Variants in ADGRL3 observed in about 807,000 individuals in gnomAD.
ADGRL3 encodes the protein calcium-independent alpha-latrotoxin receptor 3.
ADGRL3 carries 62 observed loss-of-function variants against 153.5 expected under a neutral mutation model. The ratio of observed to expected loss-of-function variants is 0.40; its 90% CI spans 0.33 to 0.50. The LOEUF (loss-of-function observed/expected upper bound fraction) is 0.50, where lower values mean the gene tolerates loss of function less well. Ranked by LOEUF, ADGRL3 falls within the 20% of genes least tolerant of loss-of-function variation. ADGRL3 has a pLI of 0.47. For missense variants in ADGRL3, 1,641 were observed against 1,859.4 expected (o/e 0.88, Z 2.16); for synonymous variants, 710 against 672.5 (o/e 1.06, Z -0.86).
chr4:61,372,852 C>A (rs1014285224), intron 1 of ADGRL3, among the ~76,000 whole-genome samples: 1 of 152,188 alleles, frequency 6.6e-6, no homozygotes, highest in Non-Finnish European at 1.5e-5. Flanking sequence ...GCAGTTTGAT[C>A]TCAGACTGCT....
At chr4:61,612,011 C>T (rs1021600598) in intron 5 of ADGRL3, among the ~76,000 whole-genome samples, 1 of 151,988 alleles carries the variant, frequency 6.6e-6, no homozygotes, top group Non-Finnish European at 1.5e-5. Context: ...CTTGTTCACT[C>T]AGGGTAAGAA....
At chr4:61,519,497 T>A (rs2098517244) in intron 4 of ADGRL3, among the ~76,000 whole-genome samples, 1 of 152,166 alleles carries the variant, frequency 6.6e-6, no homozygotes, top group African/African-American at 2.4e-5. Flanking sequence ...GAGATGATAC[T>A]TTTTGAAAGT....
chr4:61,948,043 C>G (rs1270683407), intron 16 of ADGRL3, 57 bp from the exon 17 acceptor site: 1 of 1,419,566 alleles, frequency 7.0e-7, no homozygotes, highest in African/African-American at 1.4e-5. Flanking sequence ...AAATGCCAAC[C>G]TAATTTACAT....
chr4:61,357,347 G>A (rs1414071334), intron 1 of ADGRL3, among the ~76,000 whole-genome samples: 1 of 152,036 alleles, frequency 6.6e-6, no homozygotes, highest in African/African-American at 2.4e-5. Flanking sequence ...AATTTTTTGA[G>A]TTCCATTGTA....
intron 17 of ADGRL3, among the ~76,000 whole-genome samples, chr4:61,956,628 C>T (rs769442793): frequency 3.9e-5 from 6 of 152,052 alleles, no homozygotes; most frequent in South Asian, 2.1e-4. Flanking sequence ...ATGTCCCAAA[C>T]GGTATTGCCT....
Position 61,416,497 on chromosome 4 carries a change from T to C in ADGRL3, c.-174+33308T>C, listed in dbSNP as rs561403466. ...TAAAGAAAAAAGGACAGTTGAACATTAAACTCAGCTAGTATATGTAGGAGT... is the reference window on the plus strand; with the variant it reads ...TAAAGAAAAAAGGACAGTTGAACATCAAACTCAGCTAGTATATGTAGGAGT... On this transcript the variant is annotated intron_variant, in intron 2 of 26. Coordinates refer to ENST00000683033, the MANE Select transcript of ADGRL3 (RefSeq NM_001387552.1). Among the ~76,000 whole-genome samples, 5 of 152,340 alleles carry C rather than the reference T, an allele frequency of 3.3e-5. No homozygotes were observed. In the East Asian group the frequency reaches 7.7e-4, roughly 24 times the overall value.
chr4:61,445,057 G>A (rs201040359), intron 2 of ADGRL3, among the ~76,000 whole-genome samples: 29 of 151,138 alleles, frequency 1.9e-4, no homozygotes, highest in East Asian at 5.9e-4. Flanking sequence ...GTCTAAAAAA[G>A]AAAAAAAAAT....
intron 8 of ADGRL3, among the ~76,000 whole-genome samples, chr4:61,783,402 A>G (rs147271430): frequency 6.6e-6 from 1 of 151,966 alleles, no homozygotes; most frequent in African/African-American, 2.4e-5. Flanking sequence ...TTTTCCCTCT[A>G]TATATATATG....
intron 9 of ADGRL3, among the ~76,000 whole-genome samples, chr4:61,887,411 TGTTTA>T (rs2098545565): frequency 6.6e-6 from 1 of 152,198 alleles, no homozygotes; most frequent in Non-Finnish European, 1.5e-5. Context: ...AGAGAATGCC[TGTTTA>T]GTTACTACTT....
intron 9 of ADGRL3, among the ~76,000 whole-genome samples, chr4:61,886,628 G>GTTTA (rs2098540825): frequency 6.3e-5 from 3 of 47,848 alleles, no homozygotes; most frequent in African/African-American, 2.3e-4. Flanking sequence ...GACTACATTT[G>GTTTA]TTTGTTTGTT....
At chr4:61,595,952 T>C (rs1377306130) in intron 5 of ADGRL3, among the ~76,000 whole-genome samples, 1 of 152,114 alleles carries the variant, frequency 6.6e-6, no homozygotes, top group Non-Finnish European at 1.5e-5. Flanking sequence ...CTGAATTCAA[T>C]GTAAAGTTTC....
At chr4:61,447,832 G>A (rs1222166963) in intron 2 of ADGRL3, among the ~76,000 whole-genome samples, 5 of 152,118 alleles carry the variant, frequency 3.3e-5, no homozygotes, top group African/African-American at 1.2e-4. Flanking sequence ...TACAAATTCG[G>A]TTTCATATTC....
chr4:61,417,420 C>T (rs1288771381), intron 2 of ADGRL3, among the ~76,000 whole-genome samples: 6 of 151,640 alleles, frequency 4.0e-5, no homozygotes, highest in South Asian at 4.2e-4. Context: ...CCCAGGAGGT[C>T]GAGGTTGCAG....
chr4:61,904,298 T>C (rs1047337398), intron 11 of ADGRL3, among the ~76,000 whole-genome samples: 1 of 151,656 alleles, frequency 6.6e-6, no homozygotes, highest in African/African-American at 2.4e-5. Flanking sequence ...TTGACACATA[T>C]ATGGGCAGAT....
chr4:61,744,542 G>T (rs945537470), intron 8 of ADGRL3, among the ~76,000 whole-genome samples: 17 of 152,174 alleles, frequency 1.1e-4, no homozygotes, highest in Non-Finnish European at 2.2e-4. Context: ...TCAGGCAGCA[G>T]CGTTTGTGCT....
chr4:61,333,133 T>C (rs931097343), intron 1 of ADGRL3, among the ~76,000 whole-genome samples: 5 of 152,014 alleles, frequency 3.3e-5, no homozygotes, highest in Admixed American at 3.3e-4. Context: ...AAAATACTTA[T>C]TAAAATTTTA....
chr4:61,449,582 T>C (rs1410633694), intron 2 of ADGRL3, among the ~76,000 whole-genome samples: 2 of 152,200 alleles, frequency 1.3e-5, no homozygotes, highest in African/African-American at 2.4e-5. Context: ...GTAATATGAC[T>C]TGTCCTAAAT....
At chr4:61,933,056 A>T (rs1467108807) in intron 13 of ADGRL3, among the ~76,000 whole-genome samples, 4 of 151,624 alleles carry the variant, frequency 2.6e-5, no homozygotes, top group Non-Finnish European at 4.4e-5. Context: ...CTTAGGTAAG[A>T]TTTTAATTAA....
chr4:61,883,528 A>G (rs1002872340), intron 9 of ADGRL3, among the ~76,000 whole-genome samples: 2 of 152,208 alleles, frequency 1.3e-5, no homozygotes, highest in African/African-American at 4.8e-5. Context: ...GTATATTATT[A>G]TCTCCATTTA....
Sources: allele counts gnomAD v4.1 joint callset (sites outside exome capture counted in the v4.1 genomes callset), GRCh38; gene constraint gnomAD v4.1.1; transcripts MANE v1.5; gene names NCBI Gene and HGNC (gene_info 2026-07-23, HGNC 2026-07-21).